Variants in XPO5 observed in about 807,000 individuals in gnomAD.
XPO5 encodes the protein exportin 5, also known as exportin-5.
Under a neutral mutation model 160.6 loss-of-function variants are expected in XPO5, and 46 were observed. The ratio of observed to expected loss-of-function variants is 0.29; its 90% CI spans 0.23 to 0.37. The LOEUF (loss-of-function observed/expected upper bound fraction) is 0.37. Among genes scored for constraint, XPO5 ranks in the 10% least tolerant of loss-of-function variants. The probability of loss-of-function intolerance (pLI) is 1.00; values close to 1 mark genes in which losing one functional copy is unlikely to be tolerated. For synonymous variants in XPO5, 537 were observed against 519.3 expected (o/e 1.03, Z -0.46); for missense variants, 1,090 against 1,463.9 (o/e 0.74, Z 4.17).
At chr6:43,555,741 C>T in intron 13 of XPO5, 95 bp downstream of exon 13, 19 of 1,472,544 alleles carry the variant, frequency 1.3e-5, no homozygotes, top group Non-Finnish European at 1.7e-5. Flanking sequence ...ATAAGTATAT[C>T]GTTCTGATGT....
At chr6:43,562,090 T>C (rs1346230620) in intron 9 of XPO5, 157 bp downstream of exon 9, 10 of 538,066 alleles carry the variant, frequency 1.9e-5, no homozygotes, top group Non-Finnish European at 2.9e-5. Context: ...ACTATTCTAT[T>C]AAGATAATTT....
In XPO5 at chr6:43,522,837, A is replaced by G; in HGVS notation, c.*1031T>C. ...AACCTCAGGGCCAGGTCCCGTATCCATGTCCTCTCTTTACAGGGCCTTTCA... is the reference window on the plus strand; with the variant it reads ...AACCTCAGGGCCAGGTCCCGTATCCGTGTCCTCTCTTTACAGGGCCTTTCA... On this transcript the variant is annotated 3_prime_UTR_variant, in exon 32 of 32. Coordinates refer to ENST00000265351, the MANE Select transcript of XPO5 (RefSeq NM_020750.3). 1 of 303,264 alleles carries G rather than the reference A, an allele frequency of 3.3e-6. No homozygotes were observed. Among genetic ancestry groups the G allele is most frequent in the Non-Finnish European group, 7.6e-6 (1 of 131,312 alleles). The allele number at this position is 303,264 out of a possible 1,614,324, so 18.8% of individuals were successfully genotyped here.
At chr6:43,560,367 TAGCA>T in intron 10 of XPO5, 64 bp from the exon 11 acceptor site, 2 of 1,497,214 alleles carry the variant, frequency 1.3e-6, no homozygotes, top group South Asian at 2.6e-5. Context: ...GATTATTACT[TAGCA>T]GTTATCAACT....
chr6:43,526,042 T>C (rs1336092878), intron 27 of XPO5, 121 bp from the exon 28 acceptor site: 1 of 1,079,498 alleles, frequency 9.3e-7, no homozygotes, highest in Non-Finnish European at 1.4e-6. Context: ...GGTGGCTAAG[T>C]AGTACTAGGA....
chr6:43,557,288 T>TGATG (rs1762145789), intron 12 of XPO5, among the ~76,000 whole-genome samples: 1 of 151,760 alleles, frequency 6.6e-6, no homozygotes, highest in Admixed American at 6.6e-5. Flanking sequence ...TGGCTGGGTA[T>TGATG]GATGGCACGT....
rs759491157 is a variant in XPO5, at chr6:43,530,748, G to A, written c.2617C>T (p.Leu873Phe). Residue 873 changes from leucine to phenylalanine, a missense_variant, in exon 23 of 32, where the codon CTC becomes TTC. Coordinates refer to ENST00000265351, the MANE Select transcript of XPO5 (RefSeq NM_020750.3). ...YTVEDLATQLLSSAFVNLNNI... is the reference protein window; with the variant it reads ...YTVEDLATQLFSSAFVNLNNI... ...TTCAAGTTGACAAAGGCTGAGCTGA[G>A]AAGCTGGGTAGCAAGGTCCTCCACA... 1.2e-6 allele frequency: 2 copies of A among 1,614,024 alleles called. No homozygotes were observed. Among genetic ancestry groups the A allele is most frequent in the Non-Finnish European group, 1.7e-6 (2 of 1,179,898 alleles).
intron 28 of XPO5, 95 bp downstream of exon 28, chr6:43,525,743 AC>A: frequency 7.7e-7 from 1 of 1,305,126 alleles, no homozygotes; most frequent in Non-Finnish European, 1.0e-6. Context: ...AAGGAGTATT[AC>A]AAAAAACTCT....
At chr6:43,560,031 C>T in intron 11 of XPO5, 147 bp downstream of exon 11, 1 of 964,936 alleles carries the variant, frequency 1.0e-6, no homozygotes, top group Non-Finnish European at 1.5e-6. Context: ...GTCGCACAGG[C>T]TGGTCTCCAA....
At chr6:43,575,678 A>C (rs1582255212) in intron 1 of XPO5, 82 bp downstream of exon 1, 1 of 1,280,578 alleles carries the variant, frequency 7.8e-7, no homozygotes, top group African/African-American at 1.5e-5. Flanking sequence ...GCGGGAGACT[A>C]CCCCAGTTAC....
At chr6:43,575,610 G>A in intron 1 of XPO5, 150 bp downstream of exon 1, 1 of 652,030 alleles carries the variant, frequency 1.5e-6, no homozygotes, top group South Asian at 1.9e-5. Context: ...GAGAGGCGCG[G>A]AGGGCCGCGA....
chr6:43,550,054 C>T lies in XPO5; in HGVS notation c.1729-120G>A, dbSNP rs1474156005. The stretch of plus-strand genomic sequence containing the variant: ...CAACTGATTCTCCTGCTTTAGCCTT[C>T]TGAGTAGCTGGGACTACGGGCATGA... On this transcript the variant is annotated intron_variant, in intron 15 of 31. Transcript: ENST00000265351. 2.7e-5 allele frequency: 28 copies of T among 1,041,116 alleles called. No individual in the cohort carries two copies. In the East Asian group the frequency reaches 3.4e-4, roughly 13 times the overall value. The allele number at this position is 1,041,116 out of a possible 1,614,324, so 64.5% of individuals were successfully genotyped here.
chr6:43,568,451 A>G (rs1281448931), intron 6 of XPO5, among the ~76,000 whole-genome samples: 1 of 152,072 alleles, frequency 6.6e-6, no homozygotes, highest in Non-Finnish European at 1.5e-5. Flanking sequence ...GTTTCTATAG[A>G]AAGTATTAGC....
chr6:43,566,945 T>A (rs1317470149), intron 7 of XPO5, among the ~76,000 whole-genome samples: 1 of 152,084 alleles, frequency 6.6e-6, no homozygotes, highest in Non-Finnish European at 1.5e-5. Flanking sequence ...CCAAGTATCA[T>A]GGCTATTTCA....
intron 3 of XPO5, among the ~76,000 whole-genome samples, chr6:43,571,832 C>A (rs547893132): frequency 6.6e-6 from 1 of 151,824 alleles, no homozygotes; most frequent in African/African-American, 2.4e-5. Context: ...TATTCTAATA[C>A]TTGAAACAAA....
At chr6:43,546,034 C>T (rs1056378668) in intron 20 of XPO5, among the ~76,000 whole-genome samples, 1 of 152,106 alleles carries the variant, frequency 6.6e-6, no homozygotes, top group South Asian at 2.1e-4. Flanking sequence ...GATGCTAATG[C>T]TACTGGTCTT....
At chr6:43,553,081 A>C (rs1217288443) in intron 14 of XPO5, among the ~76,000 whole-genome samples, 1 of 152,142 alleles carries the variant, frequency 6.6e-6, no homozygotes, top group African/African-American at 2.4e-5. Context: ...TGGGAGGCCA[A>C]GGCAGGAGGG....
intron 23 of XPO5, among the ~76,000 whole-genome samples, chr6:43,529,905 GTC>G (rs1413625812): frequency 2.3e-4 from 23 of 100,468 alleles, no homozygotes; most frequent in African/African-American, 1.2e-3. Context: ...CTGAGACCCT[GTC>G]TCAAAAAAAA....
At chr6:43,566,307 T>A (rs1237131359) in intron 7 of XPO5, among the ~76,000 whole-genome samples, 1 of 152,052 alleles carries the variant, frequency 6.6e-6, no homozygotes. Flanking sequence ...GGCAGGAGAA[T>A]TGCTTGAACC....
intron 25 of XPO5, 60 bp from the exon 26 acceptor site, chr6:43,527,791 C>T: frequency 6.3e-7 from 1 of 1,575,384 alleles, no homozygotes; most frequent in Admixed American, 1.7e-5. Flanking sequence ...ACAAGGAAAG[C>T]AGCGACCCTA....
Sources: allele counts gnomAD v4.1 joint callset (sites outside exome capture counted in the v4.1 genomes callset), GRCh38; gene constraint gnomAD v4.1.1; transcripts MANE v1.5; gene names NCBI Gene and HGNC (gene_info 2026-07-23, HGNC 2026-07-21).